Variants in SERINC5 observed in about 807,000 individuals in gnomAD.
The protein encoded by SERINC5 is serine incorporator 5.
SERINC5 carries 41 observed loss-of-function variants against 63.1 expected under a neutral mutation model. That is an observed-to-expected ratio of 0.65 (90% CI 0.51 to 0.84). The LOEUF is 0.84. Ranked by LOEUF, SERINC5 falls within the 40% of genes least tolerant of loss-of-function variation. The probability of loss-of-function intolerance (pLI) is 0.00; values close to 1 mark genes in which losing one functional copy is unlikely to be tolerated. For missense variants in SERINC5, 523 were observed against 573.0 expected, an observed-to-expected ratio of 0.91 and a Z score of 0.89; for synonymous variants, 222 against 215.2, an observed-to-expected ratio of 1.03 and a Z score of -0.28.
At chr5:80,158,503 A>G (rs1251574508) in intron 8 of SERINC5, 1 of 245,780 alleles carries the variant, frequency 4.1e-6, no homozygotes, top group Non-Finnish European at 8.0e-6. Flanking sequence ...CAGTAAAGGT[A>G]TAGCAAACTA....
chr5:80,137,099 C>A (rs1239538405), downstream of SERINC5, among the ~76,000 whole-genome samples: 1 of 136,396 alleles, frequency 7.3e-6, no homozygotes, highest in Non-Finnish European at 1.5e-5. Context: ...GACATCGTGC[C>A]ACTGCACTCC....
intron 1 of SERINC5, among the ~76,000 whole-genome samples, chr5:80,253,548 C>A (rs59297647): frequency 0.34 from 52,117 of 151,974 alleles, 9,262 homozygotes; most frequent in East Asian, 0.56. Context: ...GAATTAAATC[C>A]AAAGTCCAAA....
At chr5:80,146,864 C>T (rs1284289633) in intron 10 of SERINC5, among the ~76,000 whole-genome samples, 1 of 152,166 alleles carries the variant, frequency 6.6e-6, no homozygotes, top group Non-Finnish European at 1.5e-5. Context: ...GTTCTCAAGC[C>T]CTTGGAATCC....
At chr5:80,238,058 C>T (rs1419131048) in intron 1 of SERINC5, among the ~76,000 whole-genome samples, 2 of 145,876 alleles carry the variant, frequency 1.4e-5, no homozygotes, top group Admixed American at 7.0e-5. Context: ...GAGCAGAGAT[C>T]GCACCACTGC....
intron 5 of SERINC5, among the ~76,000 whole-genome samples, chr5:80,170,232 G>A (rs1436069137): frequency 1.3e-5 from 2 of 152,200 alleles, no homozygotes; most frequent in South Asian, 2.1e-4. Context: ...AGTGTGAAAT[G>A]TAACAGACTG....
intron 10 of SERINC5, 21 bp downstream of exon 10, chr5:80,147,224 G>T (rs752480862): frequency 2.2e-5 from 34 of 1,577,626 alleles, no homozygotes; most frequent in Admixed American, 1.4e-4. Flanking sequence ...CAGGTGCAAA[G>T]AATAAAAGCG....
intron 5 of SERINC5, among the ~76,000 whole-genome samples, chr5:80,171,539 TTAAA>T (rs1747657202): frequency 6.6e-6 from 1 of 151,838 alleles, no homozygotes; most frequent in Non-Finnish European, 1.5e-5. Context: ...TTAAAAAAAG[TTAAA>T]TAGATAGGAA....
At chr5:80,246,465 C>T (rs1156966511) in intron 1 of SERINC5, among the ~76,000 whole-genome samples, 1 of 152,134 alleles carries the variant, frequency 6.6e-6, no homozygotes, top group Non-Finnish European at 1.5e-5. Context: ...GTTTTTCCTA[C>T]TTTTGTTTTG....
chr5:80,178,626 T>A (rs1182961527), intron 2 of SERINC5, among the ~76,000 whole-genome samples: 4 of 145,120 alleles, frequency 2.8e-5, no homozygotes, highest in South Asian at 4.5e-4. Context: ...GCAATCCACC[T>A]GTCTTCGCAT....
At chr5:80,224,949 T>G (rs543944081) in intron 1 of SERINC5, among the ~76,000 whole-genome samples, 16,395 of 55,358 alleles carry the variant, frequency 0.3, 1,059 homozygotes, top group Non-Finnish European at 0.31. Flanking sequence ...TTTTTTGTTT[T>G]TTTTTTTTTT....
At chr5:80,253,438 T>C (rs1752515250) in intron 1 of SERINC5, among the ~76,000 whole-genome samples, 1 of 152,190 alleles carries the variant, frequency 6.6e-6, no homozygotes, top group Non-Finnish European at 1.5e-5. Flanking sequence ...TCTAGCCCGT[T>C]ACAGTCCAGT....
intron 1 of SERINC5, among the ~76,000 whole-genome samples, chr5:80,245,862 G>A (rs781496558): frequency 4.0e-5 from 6 of 149,474 alleles, no homozygotes; most frequent in Non-Finnish European, 5.9e-5. Flanking sequence ...TGATCCACCC[G>A]CCTCAGCCCC....
rs200996264 is a variant in SERINC5, at chr5:80,160,911, GAT to G, written c.860-1951_860-1950del. Among the ~76,000 whole-genome samples the G allele has an allele frequency of 1.7e-3, 255 of 148,054 alleles. 5 individuals carry two copies. In the East Asian group the frequency reaches 0.027, roughly 16 times the overall value. On this transcript the variant is annotated intron_variant, in intron 7 of 11. Coordinates refer to ENST00000507668, the MANE Select transcript of SERINC5 (RefSeq NM_001174072.3). Reference sequence around the variant, plus strand: ...AATAGTATTCCATTGTGTGGAGATAGATATATATATGTGTGTGTGTGTGTATA... The same window carrying G: ...AATAGTATTCCATTGTGTGGAGATAGATATATATGTGTGTGTGTGTGTATA...
At chr5:80,205,738 A>G (rs1449889952) in intron 1 of SERINC5, among the ~76,000 whole-genome samples, 2 of 152,092 alleles carry the variant, frequency 1.3e-5, no homozygotes, top group Admixed American at 1.3e-4. Flanking sequence ...GCCACCTACT[A>G]GCTGTGAACT....
intron 1 of SERINC5, among the ~76,000 whole-genome samples, chr5:80,212,746 T>C (rs536724843): frequency 1.3e-5 from 2 of 151,960 alleles, no homozygotes; most frequent in African/African-American, 4.8e-5. Flanking sequence ...TGCAATGGCA[T>C]GGTGCAACTT....
intron 1 of SERINC5, among the ~76,000 whole-genome samples, chr5:80,237,555 G>A (rs1397688908): frequency 1.3e-5 from 2 of 151,722 alleles, no homozygotes; most frequent in Middle Eastern, 3.4e-3. Flanking sequence ...GGCTGGTATC[G>A]AATTCTTGGG....
intron 1 of SERINC5, among the ~76,000 whole-genome samples, chr5:80,243,009 C>T (rs1027578323): frequency 6.6e-6 from 1 of 152,210 alleles, no homozygotes; most frequent in African/African-American, 2.4e-5. Context: ...CACTGAGCTC[C>T]TATCTCCCTG....
Position 80,192,645 on chromosome 5 carries a change from C to A in SERINC5, c.195+10241G>T, listed in dbSNP as rs186119219. 2.3e-3 allele frequency among the ~76,000 whole-genome samples: 345 copies of A among 152,284 alleles called. 1 individual carries two copies. The highest frequency in any genetic ancestry group is 7.2e-3 in the South Asian group (35 of 4,828). ...CATGGAACCAAAAATAAACCCCACA[C>A]TGATGAAAGCCAGCATGTCGAAAGA... On this transcript the variant is annotated intron_variant, in intron 2 of 11. Coordinates refer to ENST00000507668, the MANE Select transcript of SERINC5 (RefSeq NM_001174072.3).
chr5:80,238,788 CA>C (rs34850558), intron 1 of SERINC5, among the ~76,000 whole-genome samples: 3,028 of 98,866 alleles, frequency 0.031, 43 homozygotes, highest in Middle Eastern at 0.062. Context: ...GACTTCATCT[CA>C]AAAAAAAAAA....
Sources: allele counts gnomAD v4.1 joint callset (sites outside exome capture counted in the v4.1 genomes callset), GRCh38; gene constraint gnomAD v4.1.1; transcripts MANE v1.5; gene names NCBI Gene and HGNC (gene_info 2026-07-23, HGNC 2026-07-21).